The following BIN2 variants were observed in gnomAD, a reference collection of about 807,000 sequenced individuals.
The protein encoded by BIN2 is breast cancer associated protein BRAP1.
Under a neutral mutation model 67.9 loss-of-function variants are expected in BIN2, and 43 were observed. The ratio of observed to expected loss-of-function variants is 0.63; its 90% CI spans 0.50 to 0.82. The LOEUF is 0.82. Ranked by LOEUF, BIN2 falls within the 40% of genes least tolerant of loss-of-function variation. BIN2 has a pLI of 0.00. For synonymous variants in BIN2, 244 were observed against 246.8 expected (o/e 0.99, Z 0.11); for missense variants, 581 against 671.6 (o/e 0.87, Z 1.49).
At chr12:51,296,981 A>G in intron 8 of BIN2, 108 bp downstream of exon 8, 2 of 1,042,660 alleles carry the variant, frequency 1.9e-6, no homozygotes, top group Non-Finnish European at 1.4e-6. Context: ...GAAAAGCCAA[A>G]ATCTGTGGTG....
intron 1 of BIN2, among the ~76,000 whole-genome samples, chr12:51,321,985 C>A (rs576519751): frequency 1.3e-5 from 2 of 152,340 alleles, no homozygotes; most frequent in East Asian, 3.9e-4. Context: ...GAAGTTCAAC[C>A]TTTGCCTACC....
upstream of BIN2, chr12:51,324,430 G>A: frequency 6.9e-7 from 1 of 1,448,520 alleles, no homozygotes; most frequent in South Asian, 1.3e-5. Flanking sequence ...CGGAAAGCCA[G>A]TTCCCATCAC....
At chr12:51,284,635 A>G (rs1945192205) in intron 12 of BIN2, 81 bp downstream of exon 12, 1 of 1,117,764 alleles carries the variant, frequency 8.9e-7, no homozygotes, top group Non-Finnish European at 1.4e-6. Flanking sequence ...TTCCCCTTGT[A>G]GCCTGTGGTG....
intron 2 of BIN2, among the ~76,000 whole-genome samples, chr12:51,303,367 G>C (rs1945782672): frequency 6.6e-6 from 1 of 152,114 alleles, no homozygotes; most frequent in Non-Finnish European, 1.5e-5. Flanking sequence ...CATTACACTG[G>C]CGTCTTCCTT....
intron 2 of BIN2, among the ~76,000 whole-genome samples, chr12:51,308,985 A>G (rs1174815773): frequency 1.3e-5 from 2 of 151,816 alleles, no homozygotes; most frequent in Non-Finnish European, 2.9e-5. Context: ...CAAAAACAAA[A>G]AAGAAAAGAA....
intron 1 of BIN2, 89 bp downstream of exon 1, chr12:51,323,933 G>A (rs2137462984): frequency 2.0e-6 from 3 of 1,534,752 alleles, no homozygotes; most frequent in Non-Finnish European, 2.6e-6. Context: ...GGGCCCCTGA[G>A]CACCCTGCCC....
intron 2 of BIN2, among the ~76,000 whole-genome samples, chr12:51,310,793 C>CT (rs1945973351): frequency 1.3e-5 from 2 of 152,100 alleles, no homozygotes; most frequent in South Asian, 4.1e-4. Flanking sequence ...TAGGGTCTCA[C>CT]TTTGTCACCC....
intron 10 of BIN2, among the ~76,000 whole-genome samples, chr12:51,290,441 T>C (rs1038025944): frequency 3.9e-5 from 6 of 152,034 alleles, no homozygotes; most frequent in Admixed American, 3.3e-4. Context: ...AACTAAAGGT[T>C]CTTTATACTA....
intron 2 of BIN2, among the ~76,000 whole-genome samples, chr12:51,310,942 A>G (rs1204747214): frequency 6.6e-6 from 1 of 151,862 alleles, no homozygotes; most frequent in East Asian, 1.9e-4. Context: ...TATTTTTTGT[A>G]GAGATGGGGT....
chr12:51,321,074 C>T (rs188320755), intron 1 of BIN2, among the ~76,000 whole-genome samples: 5 of 152,282 alleles, frequency 3.3e-5, no homozygotes, highest in African/African-American at 1.2e-4. Context: ...ACCAGACCTC[C>T]ACTCCCAGCT....
At chr12:51,293,393 T>G (rs1465566186) in intron 9 of BIN2, among the ~76,000 whole-genome samples, 2 of 152,214 alleles carry the variant, frequency 1.3e-5, no homozygotes, top group African/African-American at 2.4e-5. Flanking sequence ...CACTGCAAGC[T>G]CTGACTCCCG....
In BIN2 at chr12:51,297,137, G is replaced by C; in HGVS notation, c.630C>G (p.Phe210Leu). 1 of 1,614,054 alleles carries C rather than the reference G, an allele frequency of 6.2e-7. No homozygotes were observed. The highest frequency in any genetic ancestry group is 8.5e-7 in the Non-Finnish European group (1 of 1,179,956). Residue 210 changes from phenylalanine to leucine, a missense_variant, in exon 8 of 13, where the codon TTC becomes TTG. Coordinates refer to ENST00000615107, the MANE Select transcript of BIN2 (RefSeq NM_016293.4). ...CATCCCTCAAGTTGGAAATGTTTTG[G>C]AAGATGGTCACATAGCAGCCAATAC... is the stretch of plus-strand genomic sequence containing the variant. ...NSRIGCYVTIFQNISNLRDVF... is the reference protein window; with the variant it reads ...NSRIGCYVTILQNISNLRDVF...
intron 2 of BIN2, among the ~76,000 whole-genome samples, chr12:51,305,137 G>A (rs918494253): frequency 2.6e-5 from 4 of 151,542 alleles, no homozygotes; most frequent in Non-Finnish European, 2.9e-5. Flanking sequence ...AGGAGTTTGA[G>A]ACCAGCCTGA....
At position 51,313,857 on chromosome 12, in the gene BIN2, A is replaced by T; in HGVS notation, c.128T>A (p.Phe43Tyr). Residue 43 changes from phenylalanine to tyrosine, a missense_variant, in exon 2 of 13, where the codon TTT becomes TAT. By Grantham distance (22) the Phe-to-Tyr change is conservative. Coordinates refer to ENST00000615107, the MANE Select transcript of BIN2 (RefSeq NM_016293.4). ...GTAGAAGTTGCTAGCGCTTTGTTCA[A>T]ATCGTTCATCTTTGGTTTCTACAGC... ...GKAVETKDER[F>Y]EQSASNFYQQ... The T allele has an allele frequency of 6.2e-7, 1 of 1,613,812 alleles. No individual in the cohort carries two copies.
intron 1 of BIN2, among the ~76,000 whole-genome samples, chr12:51,319,568 A>G (rs566960919): frequency 1.3e-5 from 2 of 152,356 alleles, no homozygotes; most frequent in African/African-American, 4.8e-5. Flanking sequence ...CTGCTTTGAG[A>G]ATTCTGTCCC....
intron 2 of BIN2, among the ~76,000 whole-genome samples, chr12:51,309,554 A>T (rs1003281927): frequency 1.4e-5 from 2 of 148,102 alleles, no homozygotes; most frequent in African/African-American, 5.0e-5. Flanking sequence ...GTTTTTCCTT[A>T]TTTTTTTTTT....
At position 51,308,006 on chromosome 12, in the gene BIN2, AGAGT is replaced by A. The variant is rs548016134; in HGVS notation, c.163-4869_163-4866del. On this transcript the variant is annotated intron_variant, in intron 2 of 12. Transcript: ENST00000615107. ...TTTGCGAAGATGAAGTATGAGTGTG[AGAGT>A]GAGTGTGTGTGTGTGTTGGTGGGGG... 2.1e-4 allele frequency among the ~76,000 whole-genome samples: 32 copies of A among 152,174 alleles called. No individual in the cohort carries two copies. In the East Asian group the frequency reaches 5.4e-3, roughly 26 times the overall value.
chr12:51,283,292 T>C (rs1297485677), intron 12 of BIN2, among the ~76,000 whole-genome samples: 1 of 151,428 alleles, frequency 6.6e-6, no homozygotes, highest in Non-Finnish European at 1.5e-5. Flanking sequence ...AAGTTCTGCT[T>C]ATTTAAAAAA....
rs944302833 is a variant in BIN2 at position 51,291,692 on chromosome 12, G to C, written c.1414C>G (p.Pro472Ala). 6 of 1,613,658 alleles carry C rather than the reference G, an allele frequency of 3.7e-6. No individual in the cohort carries two copies. In the African/African-American group the frequency reaches 8.0e-5, roughly 22 times the overall value. ...SLEVSPNPEPPEKPVRTPEAK... is the reference protein window; with the variant it reads ...SLEVSPNPEPAEKPVRTPEAK... ...TCAGGAGTTCTTACTGGCTTCTCTG[G>C]TGGTTCTGGATTAGGAGAGACCTCT... The change falls in exon 10 of 13, where the codon CCA becomes GCA. Residue 472 changes from proline to alanine, a missense_variant. Physicochemically the swap from Pro to Ala is conservative, Grantham distance 27. Coordinates refer to ENST00000615107, the MANE Select transcript of BIN2 (RefSeq NM_016293.4).
Sources: allele counts gnomAD v4.1 joint callset (sites outside exome capture counted in the v4.1 genomes callset), GRCh38; gene constraint gnomAD v4.1.1; transcripts MANE v1.5; gene names NCBI Gene and HGNC (gene_info 2026-07-23, HGNC 2026-07-21).